The following EVI5 variants were observed in gnomAD, a reference collection of about 807,000 sequenced individuals.
EVI5 encodes the protein ecotropic viral integration site 5 protein homolog.
In EVI5, 73 loss-of-function variants were observed where a neutral mutation model predicts 112.0. The ratio of observed to expected loss-of-function variants is 0.65; its 90% CI spans 0.54 to 0.79. The LOEUF (loss-of-function observed/expected upper bound fraction) is 0.79. Ranked by LOEUF, EVI5 falls within the 30% of genes least tolerant of loss-of-function variation. The pLI, the probability that EVI5 is intolerant of heterozygous loss-of-function variation, is 0.00. For synonymous variants in EVI5, 305 were observed against 319.9 expected (o/e 0.95, Z 0.50); for missense variants, 900 against 968.8 (o/e 0.93, Z 0.94).
intron 2 of EVI5, among the ~76,000 whole-genome samples, chr1:92,735,779 CAT>C (rs1380155676): frequency 7.2e-6 from 1 of 139,210 alleles, no homozygotes; most frequent in Non-Finnish European, 1.5e-5. Context: ...TTATATATAA[CAT>C]ATTATAAAGT....
chr1:92,604,575 G>A (rs1160261178), intron 18 of EVI5, among the ~76,000 whole-genome samples: 2 of 152,146 alleles, frequency 1.3e-5, no homozygotes, highest in Non-Finnish European at 2.9e-5. Flanking sequence ...GTTAACTCTT[G>A]TTTTGTATAA....
chr1:92,571,004 AAG>A (rs1323994866), intron 18 of EVI5, among the ~76,000 whole-genome samples: 1 of 152,020 alleles, frequency 6.6e-6, no homozygotes, highest in Non-Finnish European at 1.5e-5. Flanking sequence ...CTGTGGAAAA[AAG>A]AATTTCAAAA....
chr1:92,534,467 A>G (rs1237075648), intron 19 of EVI5, among the ~76,000 whole-genome samples: 1 of 152,184 alleles, frequency 6.6e-6, no homozygotes, highest in African/African-American at 2.4e-5. Flanking sequence ...GAGCCCGTAT[A>G]GCCAAGACAA....
chr1:92,653,703 C>G (rs958397464), intron 13 of EVI5, among the ~76,000 whole-genome samples: 2 of 152,216 alleles, frequency 1.3e-5, no homozygotes, highest in African/African-American at 4.8e-5. Flanking sequence ...GACCCCCTCC[C>G]CCTCTCCATG....
intron 13 of EVI5, among the ~76,000 whole-genome samples, chr1:92,651,008 C>G (rs1661988491): frequency 6.6e-6 from 1 of 152,192 alleles, no homozygotes; most frequent in Non-Finnish European, 1.5e-5. Flanking sequence ...AGCACCTGCA[C>G]AAACCACCTC....
intron 19 of EVI5, among the ~76,000 whole-genome samples, chr1:92,563,411 T>C (rs1668936634): frequency 6.6e-6 from 1 of 152,208 alleles, no homozygotes; most frequent in African/African-American, 2.4e-5. Context: ...CATGAAAATA[T>C]TAATTTATCA....
Position 92,656,427 on chromosome 1 carries a change from C to T in EVI5, c.1392+6292G>A, listed in dbSNP as rs1001198573. Among the ~76,000 whole-genome samples, 9 of 151,732 alleles carry T rather than the reference C, an allele frequency of 5.9e-5. No homozygotes were observed. In the East Asian group the frequency reaches 1.7e-3, roughly 29 times the overall value. On this transcript the variant is annotated intron_variant, in intron 13 of 19. Transcript: ENST00000684568. Reference sequence around the variant, plus strand: ...AGTGGGAAGTCTGCAGCATTATATGCCTAAATAAAAAAACCAGAAGGATCA... The same window carrying T: ...AGTGGGAAGTCTGCAGCATTATATGTCTAAATAAAAAAACCAGAAGGATCA...
At chr1:92,735,234 A>G (rs1310144801) in intron 2 of EVI5, among the ~76,000 whole-genome samples, 1 of 152,232 alleles carries the variant, frequency 6.6e-6, no homozygotes, top group African/African-American at 2.4e-5. Context: ...AAAGGAATCA[A>G]CTATCAATAT....
intron 2 of EVI5, chr1:92,713,928 A>T: frequency 1.6e-6 from 1 of 614,444 alleles, no homozygotes; most frequent in Non-Finnish European, 2.0e-6. Flanking sequence ...ATAATGGCTC[A>T]CTCAAAATTT....
At position 92,624,336 on chromosome 1, in the gene EVI5, T is replaced by C. The variant is rs1370154301; in HGVS notation, c.1669-2A>G. On this transcript the variant is annotated splice_acceptor_variant, in intron 15 of 19. Coordinates refer to ENST00000684568, the MANE Select transcript of EVI5 (RefSeq NM_001350197.2). LOFTEE classifies it high-confidence loss of function. ...CCCAGTAGTACGAGCTAAGTGGCGC[T>C]AAAGCATAAAAAATTATATTGCAAC... 8 of 1,611,282 alleles carry C rather than the reference T, an allele frequency of 5.0e-6. No homozygotes were observed. Among genetic ancestry groups the C allele is most frequent in the Non-Finnish European group, 6.8e-6 (8 of 1,178,750 alleles).
intron 10 of EVI5, among the ~76,000 whole-genome samples, chr1:92,671,306 T>C (rs1293116681): frequency 6.6e-6 from 1 of 152,150 alleles, no homozygotes; most frequent in Non-Finnish European, 1.5e-5. Context: ...TTTCTCACTG[T>C]CTCTTGGCTT....
At chr1:92,783,145 C>A (rs958692934) in intron 1 of EVI5, among the ~76,000 whole-genome samples, 2 of 152,070 alleles carry the variant, frequency 1.3e-5, no homozygotes, top group East Asian at 3.9e-4. Flanking sequence ...GAATTGTGAA[C>A]TTTTTCTCTA....
At chr1:92,596,082 C>G (rs1647760589) in intron 18 of EVI5, among the ~76,000 whole-genome samples, 1 of 152,122 alleles carries the variant, frequency 6.6e-6, no homozygotes. Context: ...TTTTGCTGGG[C>G]TTGGTGGCTC....
chr1:92,628,916 C>T (rs1656284091), intron 14 of EVI5, among the ~76,000 whole-genome samples: 1 of 152,104 alleles, frequency 6.6e-6, no homozygotes, highest in Non-Finnish European at 1.5e-5. Context: ...CTGCTGGAAG[C>T]AGAAAAAAAG....
At chr1:92,545,106 T>C (rs998217462) in intron 19 of EVI5, among the ~76,000 whole-genome samples, 27 of 152,366 alleles carry the variant, frequency 1.8e-4, no homozygotes, top group South Asian at 6.2e-4. Context: ...ATTTTAGTTT[T>C]TGTAAATCTG....
chr1:92,615,706 C>T (rs575759381), intron 16 of EVI5, among the ~76,000 whole-genome samples: 19 of 152,112 alleles, frequency 1.2e-4, no homozygotes, highest in Non-Finnish European at 2.4e-4. Context: ...TCCCCTGAGG[C>T]AGTTGCCAGG....
chr1:92,682,845 G>A (rs1667838544), intron 9 of EVI5, among the ~76,000 whole-genome samples: 1 of 152,212 alleles, frequency 6.6e-6, no homozygotes, highest in Admixed American at 6.5e-5. Context: ...ATGCCATCCT[G>A]TGGTCTTATT....
At chr1:92,693,673 C>T (rs1048724014) in intron 9 of EVI5, 129 bp downstream of exon 9, 11 of 605,092 alleles carry the variant, frequency 1.8e-5, no homozygotes, top group Non-Finnish European at 2.6e-5. Context: ...CCAACATTAG[C>T]TTTATGCTAT....
intron 1 of EVI5, among the ~76,000 whole-genome samples, chr1:92,741,345 A>G (rs1678363288): frequency 6.6e-6 from 1 of 152,224 alleles, no homozygotes; most frequent in South Asian, 2.1e-4. Context: ...TCACCAAAAG[A>G]AGGCAGAAAC....
Sources: allele counts gnomAD v4.1 joint callset (sites outside exome capture counted in the v4.1 genomes callset), GRCh38; gene constraint gnomAD v4.1.1; transcripts MANE v1.5; gene names NCBI Gene and HGNC (gene_info 2026-07-23, HGNC 2026-07-21).